RNF13: variants seen among roughly 807,000 people sequenced by gnomAD.
The protein encoded by RNF13 is E3 ubiquitin-protein ligase RNF13.
Under a neutral mutation model 37.7 loss-of-function variants are expected in RNF13, and 19 were observed. The observed-to-expected ratio is 0.50, with a 90% CI of 0.35 to 0.74. The LOEUF (loss-of-function observed/expected upper bound fraction) is 0.74, where lower values mean the gene tolerates loss of function less well. Among genes scored for constraint, RNF13 ranks in the 30% least tolerant of loss-of-function variants. The pLI, the probability that RNF13 is intolerant of heterozygous loss-of-function variation, is 0.01. For synonymous variants in RNF13, 144 were observed against 157.8 expected (o/e 0.91, Z 0.65); for missense variants, 375 against 453.0 (o/e 0.83, Z 1.56).
In RNF13 at chr3:149,961,306, T is replaced by C. The variant is rs1259938997; in HGVS notation, c.*202T>C. On this transcript the variant is annotated 3_prime_UTR_variant, in exon 10 of 10. Coordinates refer to ENST00000392894, the MANE Select transcript of RNF13 (RefSeq NM_183381.3). Reference sequence around the variant, plus strand: ...TCATTCACTAATAATAGACTGGTGCTGTAACTCAAGCATCAATTCAGCTCT... The same window carrying C: ...TCATTCACTAATAATAGACTGGTGCCGTAACTCAAGCATCAATTCAGCTCT... 1.0e-5 allele frequency: 7 copies of C among 683,378 alleles called. No individual in the cohort carries two copies. Among genetic ancestry groups the C allele is most frequent in the Non-Finnish European group, 1.8e-5 (7 of 378,786 alleles). 42.3% of individuals were successfully genotyped at this position (683,378 alleles called of 1,614,324 possible).
intron 7 of RNF13, among the ~76,000 whole-genome samples, chr3:149,916,442 A>G (rs766950318): frequency 1.3e-5 from 2 of 152,190 alleles, no homozygotes; most frequent in Non-Finnish European, 2.9e-5. Context: ...TTCTGTACCT[A>G]TGGTGAACTA....
intron 3 of RNF13, among the ~76,000 whole-genome samples, chr3:149,853,057 A>T (rs1365931415): frequency 6.6e-6 from 1 of 152,086 alleles, no homozygotes; most frequent in Non-Finnish European, 1.5e-5. Flanking sequence ...TTACATTATT[A>T]ATTGTAACAG....
intron 6 of RNF13, among the ~76,000 whole-genome samples, chr3:149,905,718 T>G (rs1716318178): frequency 6.6e-6 from 1 of 152,134 alleles, no homozygotes; most frequent in Non-Finnish European, 1.5e-5. Flanking sequence ...TTATCCTATA[T>G]ATAGCTTGAA....
At chr3:149,938,993 A>G (rs1314464266) in intron 8 of RNF13, 1 of 473,404 alleles carries the variant, frequency 2.1e-6, no homozygotes, top group East Asian at 4.5e-5. Flanking sequence ...TATTTTCCTA[A>G]AGAGACTTCC....
intron 1 of RNF13, among the ~76,000 whole-genome samples, chr3:149,839,957 T>C (rs1722004028): frequency 1.3e-5 from 2 of 152,222 alleles, no homozygotes; most frequent in African/African-American, 4.8e-5. Context: ...TTGTGTTGAA[T>C]TTTGTAGAAA....
chr3:149,855,741 A>G (rs1472068034), intron 3 of RNF13, among the ~76,000 whole-genome samples: 1 of 152,084 alleles, frequency 6.6e-6, no homozygotes, highest in Non-Finnish European at 1.5e-5. Context: ...ATACTGCCAA[A>G]TTACCTTTGC....
intron 4 of RNF13, among the ~76,000 whole-genome samples, chr3:149,881,789 C>G (rs1034517882): frequency 1.3e-5 from 2 of 152,156 alleles, no homozygotes. Flanking sequence ...CAGCTTACCT[C>G]TAAGCTTAAC....
intron 8 of RNF13, among the ~76,000 whole-genome samples, chr3:149,944,846 G>A (rs1176864555): frequency 6.6e-6 from 1 of 152,086 alleles, no homozygotes; most frequent in African/African-American, 2.4e-5. Flanking sequence ...GGCTTTTGTT[G>A]CCATTGCTTT....
intron 1 of RNF13, among the ~76,000 whole-genome samples, chr3:149,836,792 T>C (rs186251251): frequency 2.6e-5 from 4 of 152,326 alleles, no homozygotes; most frequent in African/African-American, 4.8e-5. Context: ...ATGGGGTATG[T>C]ACATATAATG....
intron 3 of RNF13, among the ~76,000 whole-genome samples, chr3:149,868,414 A>G (rs892680929): frequency 5.9e-5 from 9 of 151,544 alleles, no homozygotes; most frequent in African/African-American, 1.5e-4. Flanking sequence ...AACTCTCTCA[A>G]CTTTTGTTTA....
rs552112368 is a variant in RNF13 at position 149,937,240 on chromosome 3, C to G, written c.700+16013C>G. On this transcript the variant is annotated intron_variant, in intron 8 of 9. Transcript: ENST00000392894. Reference sequence around the variant, plus strand: ...TAGCAATGCTTCCTGTGGGTTGAGGCAGGAACAGCTTTCCTGCATAGTAAC... The same window carrying G: ...TAGCAATGCTTCCTGTGGGTTGAGGGAGGAACAGCTTTCCTGCATAGTAAC... Among the ~76,000 whole-genome samples the G allele has an allele frequency of 2.6e-5, 4 of 152,242 alleles. No homozygotes were observed. The East Asian group carries it at 7.7e-4, about 29-fold the overall frequency.
intron 4 of RNF13, among the ~76,000 whole-genome samples, chr3:149,894,143 A>G (rs1715003672): frequency 1.3e-5 from 2 of 152,310 alleles, no homozygotes; most frequent in Non-Finnish European, 1.5e-5. Context: ...TGGGGCAGTC[A>G]TATCTCCTAC....
intron 1 of RNF13, among the ~76,000 whole-genome samples, chr3:149,839,662 C>A (rs571703604): frequency 1.3e-5 from 2 of 152,256 alleles, no homozygotes; most frequent in South Asian, 4.1e-4. Flanking sequence ...ATTAACCTCC[C>A]ACGAGGTTTC....
chr3:149,925,371 A>G (rs752306674), intron 8 of RNF13, among the ~76,000 whole-genome samples: 23 of 152,178 alleles, frequency 1.5e-4, no homozygotes, highest in Non-Finnish European at 2.4e-4. Flanking sequence ...CTAGATAAAT[A>G]ATCCTTTCTT....
At chr3:149,924,465 G>A (rs951575670) in intron 8 of RNF13, among the ~76,000 whole-genome samples, 3 of 152,184 alleles carry the variant, frequency 2.0e-5, no homozygotes, top group African/African-American at 7.2e-5. Flanking sequence ...GGCAGCAGTG[G>A]AGACTGAGAA....
At chr3:149,874,943 A>G (rs890425917) in intron 4 of RNF13, among the ~76,000 whole-genome samples, 3 of 152,154 alleles carry the variant, frequency 2.0e-5, no homozygotes, top group Non-Finnish European at 4.4e-5. Flanking sequence ...ATGAGCTTCC[A>G]AAATGGTTAT....
At chr3:149,867,772 C>G (rs1711530091) in intron 3 of RNF13, among the ~76,000 whole-genome samples, 1 of 151,778 alleles carries the variant, frequency 6.6e-6, no homozygotes, top group Non-Finnish European at 1.5e-5. Context: ...AGAATGGATT[C>G]CATTTACATT....
intron 7 of RNF13, among the ~76,000 whole-genome samples, chr3:149,916,428 T>C (rs1246203361): frequency 6.6e-6 from 1 of 152,214 alleles, no homozygotes; most frequent in Non-Finnish European, 1.5e-5. Flanking sequence ...TCAATAAATA[T>C]TTATTCTGTA....
At chr3:149,833,673 C>A (rs1391329834) in intron 1 of RNF13, among the ~76,000 whole-genome samples, 4 of 152,152 alleles carry the variant, frequency 2.6e-5, no homozygotes, top group African/African-American at 9.7e-5. Context: ...TCATAAAAGA[C>A]TGAAAGCTTT....
Sources: allele counts gnomAD v4.1 joint callset (sites outside exome capture counted in the v4.1 genomes callset), GRCh38; gene constraint gnomAD v4.1.1; transcripts MANE v1.5; gene names NCBI Gene and HGNC (gene_info 2026-07-23, HGNC 2026-07-21).